KALRN: variants seen among roughly 807,000 people sequenced by gnomAD.
KALRN encodes kalirin RhoGEF kinase.
A neutral mutation model predicts 353.7 loss-of-function variants in KALRN; 70 were observed. That is an observed-to-expected ratio of 0.20 (90% confidence interval 0.16 to 0.24). The LOEUF (loss-of-function observed/expected upper bound fraction) is 0.24. Ranked by LOEUF, KALRN falls within the 10% of genes least tolerant of loss-of-function variation. KALRN has a pLI of 1.00. For synonymous variants in KALRN, 1,391 were observed against 1,434.8 expected (o/e 0.97, Z 0.69); for missense variants, 2,791 against 3,756.7 (o/e 0.74, Z 6.72).
chr3:124,477,684 G>A (rs141367995), intron 27 of KALRN, among the ~76,000 whole-genome samples: 18 of 152,216 alleles, frequency 1.2e-4, no homozygotes, highest in African/African-American at 4.1e-4. Context: ...TAGTGTTTCC[G>A]AAAGTGTGAT....
intron 33 of KALRN, among the ~76,000 whole-genome samples, chr3:124,540,547 C>T (rs1318926928): frequency 6.6e-6 from 1 of 152,200 alleles, no homozygotes; most frequent in Non-Finnish European, 1.5e-5. Flanking sequence ...CATACATATA[C>T]ACAATTTTGG....
rs557651540 is a variant in KALRN, at chr3:124,123,572, G to A, written c.73+89759G>A. Among the ~76,000 whole-genome samples, 12 of 152,324 alleles carry A rather than the reference G, an allele frequency of 7.9e-5. No individual in the cohort carries two copies. The East Asian group carries it at 2.3e-3, about 29-fold the overall frequency. On this transcript the variant is annotated intron_variant, in intron 1 of 59. Coordinates refer to ENST00000682506, the MANE Select transcript of KALRN (RefSeq NM_001388419.1). ...AATGCAAGATGAAGCAGCAAGTGCT[G>A]ATGTAAAAACTGAAGCAAGTTATCT...
intron 1 of KALRN, among the ~76,000 whole-genome samples, chr3:124,143,723 A>G (rs1191587922): frequency 6.6e-6 from 1 of 152,236 alleles, no homozygotes; most frequent in Non-Finnish European, 1.5e-5. Flanking sequence ...GACAGGCAGG[A>G]CAAACAAAGG....
intron 1 of KALRN, among the ~76,000 whole-genome samples, chr3:124,198,223 G>A (rs2075628044): frequency 6.6e-6 from 1 of 152,156 alleles, no homozygotes; most frequent in African/African-American, 2.4e-5. Flanking sequence ...TCTGGAGTGT[G>A]GTGCTGAGAA....
intron 15 of KALRN, among the ~76,000 whole-genome samples, chr3:124,428,920 G>A (rs1379559328): frequency 6.6e-6 from 1 of 152,172 alleles, no homozygotes; most frequent in African/African-American, 2.4e-5. Flanking sequence ...TGCACTTGGA[G>A]AAGTGGTTTC....
intron 1 of KALRN, among the ~76,000 whole-genome samples, chr3:124,057,060 C>G (rs1243709192): frequency 1.3e-5 from 2 of 152,174 alleles, no homozygotes; most frequent in Non-Finnish European, 2.9e-5. Context: ...CCTGCCAGAT[C>G]TTTTTCCTCT....
At chr3:124,642,355 C>T (rs67923558) in intron 37 of KALRN, among the ~76,000 whole-genome samples, 17,289 of 151,944 alleles carry the variant, frequency 0.11, 1,051 homozygotes, top group Middle Eastern at 0.2. Context: ...TTTCTGAGCT[C>T]GTCATTGGGT....
chr3:124,581,545 C>A (rs2074632793), intron 34 of KALRN, among the ~76,000 whole-genome samples: 1 of 152,134 alleles, frequency 6.6e-6, no homozygotes, highest in Non-Finnish European at 1.5e-5. Context: ...GATGAGATGT[C>A]ATTAGTCTCT....
chr3:124,355,709 C>CTTTTTTTTT lies in KALRN; in HGVS notation c.1770+8460_1770+8468dup, dbSNP rs3055894. 4.3e-3 allele frequency among the ~76,000 whole-genome samples: 421 copies of CTTTTTTTTT among 97,394 alleles called. 17 individuals carry two copies. The highest frequency in any genetic ancestry group is 9.5e-3 in the African/African-American group (235 of 24,752). The allele number at this position is 97,394 out of a possible 152,430, so 63.9% of individuals were successfully genotyped here. ...TTAAACACCCTCAACTCTCTCCCAT[C>CTTTTTTTTT]TTTTTTTTTTTTTTTTTTTTTTTTG... On this transcript the variant is annotated intron_variant, in intron 10 of 59. Transcript: ENST00000682506.
At chr3:124,314,649 T>G (rs986951178) in intron 6 of KALRN, among the ~76,000 whole-genome samples, 3 of 152,146 alleles carry the variant, frequency 2.0e-5, no homozygotes, top group African/African-American at 7.2e-5. Flanking sequence ...TGAAAGACAC[T>G]GGCATGTAGA....
intron 2 of KALRN, among the ~76,000 whole-genome samples, chr3:124,231,939 C>T (rs1560302039): frequency 6.6e-6 from 1 of 152,166 alleles, no homozygotes; most frequent in Non-Finnish European, 1.5e-5. Flanking sequence ...CTCCTTGGTA[C>T]GAAAGTCCTC....
At chr3:124,295,976 A>G (rs2076813891) in intron 5 of KALRN, among the ~76,000 whole-genome samples, 1 of 152,192 alleles carries the variant, frequency 6.6e-6, no homozygotes, top group Non-Finnish European at 1.5e-5. Context: ...CCCAACCTCT[A>G]CAGGAGCCCC....
intron 14 of KALRN, among the ~76,000 whole-genome samples, chr3:124,417,892 A>AT (rs1176483307): frequency 6.6e-6 from 1 of 152,250 alleles, no homozygotes; most frequent in Non-Finnish European, 1.5e-5. Flanking sequence ...ATTCTAGCAC[A>AT]TGCTGCATTC....
At chr3:124,080,187 G>C (rs555828801) in intron 1 of KALRN, 12 of 357,924 alleles carry the variant, frequency 3.4e-5, no homozygotes, top group South Asian at 2.6e-4. Context: ...TTTCCACAAT[G>C]CTGACTCCTC....
intron 55 of KALRN, 99 bp downstream of exon 55, chr3:124,697,823 C>T (rs946319940): frequency 8.0e-7 from 1 of 1,245,008 alleles, no homozygotes; most frequent in Non-Finnish European, 1.1e-6. Flanking sequence ...ACCATGCTAA[C>T]CATTTTTTCA....
rs1355627759 is a variant in KALRN, at chr3:124,422,949, T to C, written c.2680T>C (p.Leu894=). The C allele has an allele frequency of 1.2e-6, 2 of 1,613,596 alleles. No homozygotes were observed. The highest frequency in any genetic ancestry group is 2.2e-5 in the East Asian group (1 of 44,894). Residue 894 remains leucine (L), a synonymous_variant, in exon 15 of 60, where the codon TTA becomes CTA. Coordinates refer to ENST00000682506, the MANE Select transcript of KALRN (RefSeq NM_001388419.1). ...THKRLEQCLQ[L]RHLQAEVKQV... is the part of the protein sequence containing the mutation. ...TAAGCGGCTAGAGCAGTGCCTCCAA[T>C]TACGTCACCTCCAGGCTGAAGTCAA... is the stretch of plus-strand genomic sequence containing the variant.
chr3:124,141,689 T>C (rs2066644121), intron 1 of KALRN, among the ~76,000 whole-genome samples: 1 of 152,246 alleles, frequency 6.6e-6, no homozygotes, highest in Admixed American at 6.5e-5. Flanking sequence ...TGTTGGTTAG[T>C]GACTGCCTGG....
At chr3:124,122,833 A>G (rs916234697) in intron 1 of KALRN, among the ~76,000 whole-genome samples, 1 of 152,180 alleles carries the variant, frequency 6.6e-6, no homozygotes, top group African/African-American at 2.4e-5. Context: ...TGTTCAAGTG[A>G]AAGGAAGAGT....
chr3:124,256,546 G>A (rs1052289714), intron 3 of KALRN, among the ~76,000 whole-genome samples: 15 of 152,112 alleles, frequency 9.9e-5, no homozygotes, highest in Non-Finnish European at 1.5e-4. Context: ...CCACTTTGGG[G>A]GATTGTCTTC....
Sources: gnomAD v4.1 joint callset for allele counts (sites outside exome capture counted in the v4.1 genomes callset) on GRCh38, gnomAD v4.1.1 for gene constraint, MANE v1.5 for transcripts, NCBI Gene and HGNC (gene_info 2026-07-23, HGNC 2026-07-21) for gene names.